Variants in ADGRG2 observed in about 807,000 individuals in gnomAD.
ADGRG2 encodes G protein-coupled receptor 64.
A neutral mutation model predicts 74.1 loss-of-function variants in ADGRG2; 26 were observed. That is an observed-to-expected ratio of 0.35 (90% confidence interval 0.26 to 0.49). The LOEUF (loss-of-function observed/expected upper bound fraction) is 0.49, where lower values mean the gene tolerates loss of function less well. Among genes scored for constraint, ADGRG2 ranks in the 20% least tolerant of loss-of-function variants. ADGRG2 has a pLI of 0.99. For synonymous variants in ADGRG2, 296 were observed against 295.2 expected (o/e 1.00, Z -0.03); for missense variants, 619 against 763.1 (o/e 0.81, Z 2.22).
chrX:19,092,101 G>C (rs1275270149), intron 1 of ADGRG2, among the ~76,000 whole-genome samples: 1 of 111,952 alleles, frequency 8.9e-6, no homozygotes, highest in African/African-American at 3.2e-5. Flanking sequence ...CCACCCCTTG[G>C]GTCTGGTGTG....
At position 19,037,645 on chromosome X, in the gene ADGRG2, GA is replaced by G. The variant is rs761468020; in HGVS notation, c.155-10del. On this transcript the variant is annotated splice_polypyrimidine_tract_variant and intron_variant, in intron 4 of 28. Coordinates refer to ENST00000379869, the MANE Select transcript of ADGRG2 (RefSeq NM_001079858.3). ...GACAACAGATAATTTAGCTGCAGGA[GA>G]AAAAAAAATTAAATCAATATTTTGA... is the stretch of plus-strand genomic sequence containing the variant. The G allele has an allele frequency of 9.6e-5, 101 of 1,057,320 alleles. No individual in the cohort carries two copies. The highest frequency in any genetic ancestry group is 2.9e-4 in the Middle Eastern group (1 of 3,425). The allele number at this position is 1,057,320 out of a possible 1,213,427, so 87.1% of individuals were successfully genotyped here. A position where few individuals can be genotyped will look rare whatever the true frequency, so the allele number is the denominator to read the frequency against.
At position 19,002,994 on chromosome X, in the gene ADGRG2, G is replaced by A; in HGVS notation, c.2082C>T (p.Cys694=). The A allele has an allele frequency of 1.7e-6, 2 of 1,207,208 alleles. No homozygotes were observed. Among genetic ancestry groups the A allele is most frequent in the Non-Finnish European group, 2.2e-6 (2 of 891,332 alleles). ...WIALYKMQGL[C]ISVAVFLHYF... ...AATGAAGAAATACAGCCACTGAGATGCAGAGGCCTTGCATCTTATACAGAG... is the reference window on the plus strand; with the variant it reads ...AATGAAGAAATACAGCCACTGAGATACAGAGGCCTTGCATCTTATACAGAG... The change falls in exon 24 of 29, where the codon TGC becomes TGT. Residue 694 remains cysteine (C), a synonymous_variant. Coordinates refer to ENST00000379869, the MANE Select transcript of ADGRG2 (RefSeq NM_001079858.3).
At chrX:19,106,404 G>A (rs779819669) in intron 1 of ADGRG2, among the ~76,000 whole-genome samples, 6 of 110,815 alleles carry the variant, frequency 5.4e-5, no homozygotes, top group Non-Finnish European at 1.1e-4. Flanking sequence ...GAGGAAGTGT[G>A]CGATAGTGAA....
At chrX:19,006,855 C>T (rs1470472786) in intron 20 of ADGRG2, among the ~76,000 whole-genome samples, 1 of 104,435 alleles carries the variant, frequency 9.6e-6, no homozygotes, top group African/African-American at 3.6e-5. Context: ...AGCTCCCGGG[C>T]TCGTGATCCT....
intron 2 of ADGRG2, among the ~76,000 whole-genome samples, chrX:19,079,866 C>T (rs975490603): frequency 4.5e-5 from 5 of 110,795 alleles, no homozygotes; most frequent in Non-Finnish European, 9.4e-5. Context: ...AACATACACT[C>T]ACCAAACCTG....
intron 24 of ADGRG2, 112 bp from the exon 25 acceptor site, chrX:19,000,072 C>T (rs1256516168): frequency 4.7e-6 from 2 of 424,628 alleles, no homozygotes; most frequent in Non-Finnish European, 8.2e-6. Flanking sequence ...CGGCTCACTG[C>T]AACCTCCGCC....
At chrX:19,060,243 G>A (rs999818291) in intron 3 of ADGRG2, among the ~76,000 whole-genome samples, 5 of 113,042 alleles carry the variant, frequency 4.4e-5, no homozygotes, top group Middle Eastern at 4.6e-3. Flanking sequence ...CAGTCGGCAA[G>A]AGCCACTTCT....
At chrX:19,039,261 C>G (rs1020336361) in intron 4 of ADGRG2, 1 of 331,271 alleles carries the variant, frequency 3.0e-6, no homozygotes, top group African/African-American at 2.6e-5. Flanking sequence ...TTTATCCTCC[C>G]CAAGCCCCAG....
At chrX:19,098,297 A>G (rs754777557) in intron 1 of ADGRG2, among the ~76,000 whole-genome samples, 68 of 112,072 alleles carry the variant, frequency 6.1e-4, no homozygotes, top group African/African-American at 2.2e-3. Flanking sequence ...ATACTTAGAG[A>G]ACATAGTAAA....
chrX:19,039,358 A>G (rs1443712156), intron 4 of ADGRG2: 1 of 328,494 alleles, frequency 3.0e-6, no homozygotes, highest in Non-Finnish European at 5.9e-6. Flanking sequence ...GATACATAGT[A>G]GTGCATGAGA....
At chrX:19,091,347 G>C (rs936938456) in intron 1 of ADGRG2, among the ~76,000 whole-genome samples, 8 of 110,757 alleles carry the variant, frequency 7.2e-5, no homozygotes, top group African/African-American at 2.6e-4. Context: ...AAAATGAATA[G>C]GAGGGGGTCT....
chrX:19,118,684 C>T (rs753784843), intron 1 of ADGRG2, among the ~76,000 whole-genome samples: 164 of 112,266 alleles, frequency 1.5e-3, no homozygotes, highest in African/African-American at 4.9e-3. Context: ...CCACTGTGCC[C>T]GGTTATCAGT....
At chrX:19,007,620 G>A (rs1231137506) in intron 19 of ADGRG2, among the ~76,000 whole-genome samples, 2 of 111,755 alleles carry the variant, frequency 1.8e-5, no homozygotes, top group Admixed American at 1.9e-4. Context: ...ATAGCATTAA[G>A]CCATTTAAGC....
At chrX:19,097,188 A>C (rs770219598) in intron 1 of ADGRG2, among the ~76,000 whole-genome samples, 1 of 112,629 alleles carries the variant, frequency 8.9e-6, no homozygotes, top group Non-Finnish European at 1.9e-5. Context: ...CTTCGTGTGA[A>C]GGTCCTATTG....
Position 19,013,992 on chromosome X carries a change from G to A in ADGRG2, c.793C>T (p.Pro265Ser). 8.3e-7 allele frequency: 1 copy of A among 1,209,303 alleles called. No homozygotes were observed. Among genetic ancestry groups the A allele is most frequent in the South Asian group, 1.8e-5 (1 of 56,873 alleles). The change falls in exon 16 of 29, where the codon CCT (proline) becomes TCT (serine). Residue 265 changes from proline to serine, a missense_variant. By Grantham distance (74) the Pro-to-Ser change is moderately conservative (BLOSUM62 -1). This residue lies in a region of ADGRG2 where 292 missense variants were observed against 318.0 expected (regional missense o/e 0.92). Coordinates refer to ENST00000379869, the MANE Select transcript of ADGRG2 (RefSeq NM_001079858.3). ...FSSSQSIPVVPRATVLSQVPK... is the reference protein window; with the variant it reads ...FSSSQSIPVVSRATVLSQVPK... ...ACCTGGGAAAGCACAGTGGCCCGAG[G>A]CACCACTGGGATGGATTGGCTGGAA...
chrX:19,103,825 A>G (rs908141901), intron 1 of ADGRG2, among the ~76,000 whole-genome samples: 5 of 111,593 alleles, frequency 4.5e-5, no homozygotes, highest in African/African-American at 1.6e-4. Context: ...GTGCCCAGTG[A>G]GGCCACCCTC....
intron 1 of ADGRG2, among the ~76,000 whole-genome samples, chrX:19,113,288 G>C (rs748759919): frequency 1.8e-5 from 2 of 110,534 alleles, no homozygotes; most frequent in Admixed American, 9.7e-5. Context: ...TGAGGCAGGA[G>C]AATCACTTGA....
chrX:18,994,517 C>T (rs2059981659), intron 28 of ADGRG2, among the ~76,000 whole-genome samples: 1 of 110,757 alleles, frequency 9.0e-6, no homozygotes, highest in Admixed American at 9.6e-5. Context: ...AAATGTTGAA[C>T]ATGTATATTA....
At chrX:19,065,370 T>C (rs2061553148) in intron 3 of ADGRG2, among the ~76,000 whole-genome samples, 1 of 109,699 alleles carries the variant, frequency 9.1e-6, no homozygotes, top group African/African-American at 3.3e-5. Context: ...CTGGGCGTTC[T>C]GAGAGACAGG....
Sources: gnomAD v4.1 joint callset for allele counts (sites outside exome capture counted in the v4.1 genomes callset) on GRCh38, gnomAD v4.1.1 for gene constraint, gnomAD v4.1.1 regional missense constraint, MANE v1.5 for transcripts, NCBI Gene and HGNC (gene_info 2026-07-23, HGNC 2026-07-21) for gene names.